Variants in UTP18 observed in about 807,000 individuals in gnomAD.
UTP18 encodes the protein UTP18 small subunit processome component.
In UTP18, 36 loss-of-function variants were observed where a neutral mutation model predicts 61.1. The ratio of observed to expected loss-of-function variants is 0.59; its 90% CI spans 0.45 to 0.78. The LOEUF (loss-of-function observed/expected upper bound fraction) is 0.78. UTP18 is among the 30% of genes least tolerant of loss of function. The pLI is 0.00. For synonymous variants in UTP18, 282 were observed against 251.1 expected (o/e 1.12, Z -1.16); for missense variants, 753 against 693.9 (o/e 1.09, Z -0.96).
intron 4 of UTP18, among the ~76,000 whole-genome samples, chr17:51,270,055 C>T (rs529343252): frequency 3.3e-5 from 5 of 152,226 alleles, no homozygotes; most frequent in South Asian, 2.1e-4. Flanking sequence ...GGGGTTTCAC[C>T]GTGTTGGCCA....
chr17:51,260,620 C>T lies in UTP18; in HGVS notation c.36C>T (p.Asp12=), dbSNP rs780529427. The T allele has an allele frequency of 6.2e-7, 1 of 1,612,654 alleles. No individual in the cohort carries two copies. Among genetic ancestry groups the T allele is most frequent in the Non-Finnish European group, 8.5e-7 (1 of 1,179,720 alleles). Residue 12 remains aspartate (D), a synonymous_variant, in exon 1 of 14, where the codon GAC becomes GAT. Coordinates refer to ENST00000225298, the MANE Select transcript of UTP18 (RefSeq NM_016001.3). ...AGCGGAGGAGACGAATGAAACTGGA[C>T]CGGAGAACCGGAGCGAAGCCGAAGC... ...PPERRRRMKL[D]RRTGAKPKRK...
In UTP18 at chr17:51,280,507, G is replaced by A. The variant is rs772962009; in HGVS notation, c.1204+28G>A. Reference sequence around the variant, plus strand: ...AAGACAACGACATGAAAGAAGCTAAGGATATTTTTACATTTTAAATTTTAG... The same window carrying A: ...AAGACAACGACATGAAAGAAGCTAAAGATATTTTTACATTTTAAATTTTAG... On this transcript the variant is annotated intron_variant, in intron 9 of 13. Coordinates refer to ENST00000225298, the MANE Select transcript of UTP18 (RefSeq NM_016001.3). 1.9e-6 allele frequency: 3 copies of A among 1,610,066 alleles called. No individual in the cohort carries two copies. In the Admixed American group the frequency reaches 5.0e-5, roughly 27 times the overall value.
At chr17:51,295,296 T>A (rs1468927226) in intron 12 of UTP18, among the ~76,000 whole-genome samples, 1 of 152,054 alleles carries the variant, frequency 6.6e-6, no homozygotes, top group East Asian at 1.9e-4. Flanking sequence ...CTGAATGGTA[T>A]TGCCTAGGTT....
rs374587954 is a variant in UTP18, at chr17:51,260,948, G to T, written c.342+22G>T. 1.3e-3 allele frequency: 1,894 copies of T among 1,505,972 alleles called. 12 individuals are homozygous for T. Among genetic ancestry groups the T allele is most frequent in the South Asian group, 0.011 (876 of 79,618 alleles). The allele number at this position is 1,505,972 out of a possible 1,614,324, so 93.3% of individuals were successfully genotyped here. ...GAGGGTGAGGGAGGCCGCGGCGCGC[G>T]GGCTGGGCGCACTCGGGCGGGGCGC... On this transcript the variant is annotated intron_variant, in intron 1 of 13. Coordinates refer to ENST00000225298, the MANE Select transcript of UTP18 (RefSeq NM_016001.3).
At chr17:51,283,289 C>G (rs915676395) in intron 9 of UTP18, among the ~76,000 whole-genome samples, 1 of 151,922 alleles carries the variant, frequency 6.6e-6, no homozygotes, top group African/African-American at 2.4e-5. Flanking sequence ...CTGCCTCAGC[C>G]TCCTGGGTAG....
intron 2 of UTP18, among the ~76,000 whole-genome samples, chr17:51,265,889 C>G (rs1250460530): frequency 6.6e-6 from 1 of 152,134 alleles, no homozygotes; most frequent in African/African-American, 2.4e-5. Context: ...GTATTTAACT[C>G]TTTGATTTAC....
At chr17:51,280,642 G>A (rs1009518419) in intron 9 of UTP18, among the ~76,000 whole-genome samples, 163 bp downstream of exon 9, 15 of 151,984 alleles carry the variant, frequency 9.9e-5, no homozygotes, top group South Asian at 4.2e-4. Context: ...GTAAAACTCC[G>A]TCTCTACTAA....
intron 2 of UTP18, among the ~76,000 whole-genome samples, chr17:51,264,583 A>G (rs2055540593): frequency 7.6e-6 from 1 of 131,036 alleles, no homozygotes; most frequent in South Asian, 2.8e-4. Flanking sequence ...ATTCTTAGAC[A>G]CAATGGTTTA....
At chr17:51,260,978 TG>T in intron 1 of UTP18, 52 bp downstream of exon 1, 1 of 1,403,378 alleles carries the variant, frequency 7.1e-7, no homozygotes, top group Non-Finnish European at 9.2e-7. Flanking sequence ...GGGCGCGCGG[TG>T]GGCGGTGAAG....
At chr17:51,268,321 C>A (rs867853405) in intron 3 of UTP18, among the ~76,000 whole-genome samples, 1 of 152,262 alleles carries the variant, frequency 6.6e-6, no homozygotes, top group East Asian at 1.9e-4. Context: ...CCATGGCGCC[C>A]GGCCCAGGTA....
At chr17:51,293,286 TAAC>T (rs1302093183) in intron 11 of UTP18, among the ~76,000 whole-genome samples, 3 of 152,180 alleles carry the variant, frequency 2.0e-5, no homozygotes, top group African/African-American at 7.2e-5. Context: ...GCTCAGTTAA[TAAC>T]ACATTAAAGA....
At chr17:51,263,970 C>T (rs1207100089) in intron 2 of UTP18, among the ~76,000 whole-genome samples, 1 of 151,082 alleles carries the variant, frequency 6.6e-6, no homozygotes, top group East Asian at 1.9e-4. Flanking sequence ...ATGTTGGAGT[C>T]AATTATGTGA....
chr17:51,286,433 G>A lies in UTP18; in HGVS notation c.1328+1065G>A, dbSNP rs1905117287. On this transcript the variant is annotated intron_variant, in intron 10 of 13. Coordinates refer to ENST00000225298, the MANE Select transcript of UTP18 (RefSeq NM_016001.3). ...GGATGGGAAGTCAAGGGGTCTTGTT[G>A]TCCAGAAACTTAGCATACTCTCTAC... 3 of 455,440 alleles carry A rather than the reference G, an allele frequency of 6.6e-6. 1 individual carries two copies. The highest frequency in any genetic ancestry group is 4.7e-5 in the South Asian group (3 of 64,424). 28.2% of individuals were successfully genotyped at this position (455,440 alleles called of 1,614,324 possible).
At chr17:51,293,771 A>G (rs746466329) in intron 11 of UTP18, 132 bp from the exon 12 acceptor site, 23 of 706,964 alleles carry the variant, frequency 3.3e-5, no homozygotes, top group Non-Finnish European at 4.4e-5. Flanking sequence ...CTGCACTAAT[A>G]GACTGTACTT....
intron 9 of UTP18, among the ~76,000 whole-genome samples, chr17:51,282,541 G>A (rs1353929085): frequency 6.6e-6 from 1 of 151,408 alleles, no homozygotes; most frequent in African/African-American, 2.4e-5. Flanking sequence ...AAGAAAGAAA[G>A]AATTAGTTCA....
intron 12 of UTP18, 104 bp downstream of exon 12, chr17:51,294,149 CTGTT>C: frequency 2.2e-6 from 2 of 910,410 alleles, no homozygotes; most frequent in Non-Finnish European, 3.0e-6. Context: ...AAATTCTAGT[CTGTT>C]TATCTTGACT....
chr17:51,290,443 G>C (rs942859427), intron 11 of UTP18, among the ~76,000 whole-genome samples: 14 of 151,958 alleles, frequency 9.2e-5, no homozygotes, highest in Non-Finnish European at 1.8e-4. Flanking sequence ...CAACAAAATG[G>C]TTTGCTGGAA....
chr17:51,286,386 G>A, intron 10 of UTP18: 3 of 433,920 alleles, frequency 6.9e-6, no homozygotes, highest in Non-Finnish European at 1.4e-5. Flanking sequence ...GCCATGAAAT[G>A]ATTTCAGTCA....
Position 51,277,145 on chromosome 17 carries a change from A to C in UTP18, c.853A>C (p.Asn285His). 6.2e-7 allele frequency: 1 copy of C among 1,614,014 alleles called. No homozygotes were observed. The highest frequency in any genetic ancestry group is 1.1e-5 in the South Asian group (1 of 91,070). The change falls in exon 7 of 14, where the codon AAT (asparagine) becomes CAT (histidine). Residue 285 changes from asparagine to histidine, a missense_variant. By Grantham distance (68) the Asn-to-His change is moderately conservative. Transcript: ENST00000225298. ...VSLFQVDGKT[N>H]PKIQSIYLER... ...TTCTTTATAGGTTGATGGGAAAACA[A>C]ATCCTAAAATTCAGAGCATCTATTT...
Sources: allele counts gnomAD v4.1 joint callset (sites outside exome capture counted in the v4.1 genomes callset), GRCh38; gene constraint gnomAD v4.1.1; transcripts MANE v1.5; gene names NCBI Gene and HGNC (gene_info 2026-07-23, HGNC 2026-07-21).